DMXL1: variants seen among roughly 807,000 people sequenced by gnomAD.
DMXL1 encodes the protein dmX-like protein 1.
In DMXL1, 99 loss-of-function variants were observed where a neutral mutation model predicts 319.2. The ratio of observed to expected loss-of-function variants is 0.31; its 90% CI spans 0.26 to 0.37. The LOEUF is 0.37. Ranked by LOEUF, DMXL1 falls within the 10% of genes least tolerant of loss-of-function variation. The pLI, the probability that DMXL1 is intolerant of heterozygous loss-of-function variation, is 1.00. For synonymous variants in DMXL1, 1,385 were observed against 1,235.2 expected (o/e 1.12, Z -2.54); for missense variants, 3,745 against 3,595.6 (o/e 1.04, Z -1.06).
chr5:119,233,277 A>G, intron 38 of DMXL1, 63 bp from the exon 39 acceptor site: 1 of 1,541,928 alleles, frequency 6.5e-7, no homozygotes, highest in Admixed American at 1.9e-5. Context: ...CATAGGATAA[A>G]GAAATAACTT....
At chr5:119,095,017 A>G (rs1057352512) in intron 1 of DMXL1, among the ~76,000 whole-genome samples, 1 of 152,094 alleles carries the variant, frequency 6.6e-6, no homozygotes, top group Non-Finnish European at 1.5e-5. Flanking sequence ...CACTGCAACC[A>G]GCTAATTTTT....
chr5:119,111,568 A>G (rs1202567196), intron 5 of DMXL1, among the ~76,000 whole-genome samples: 1 of 152,212 alleles, frequency 6.6e-6, no homozygotes, highest in Non-Finnish European at 1.5e-5. Context: ...AGTTAGGGAA[A>G]GACTAAGAAT....
chr5:119,164,427 A>C (rs1772983555), intron 19 of DMXL1, 80 bp from the exon 20 acceptor site: 3 of 1,279,272 alleles, frequency 2.3e-6, no homozygotes, highest in African/African-American at 1.5e-5. Flanking sequence ...ATTTATATTG[A>C]AAATATGGAA....
At chr5:119,201,130 A>G (rs1015125980) in intron 32 of DMXL1, among the ~76,000 whole-genome samples, 1 of 152,170 alleles carries the variant, frequency 6.6e-6, no homozygotes, top group Non-Finnish European at 1.5e-5. Flanking sequence ...GAGACAAAGC[A>G]TCCTTGTCTT....
intron 13 of DMXL1, among the ~76,000 whole-genome samples, chr5:119,138,032 G>T (rs1766421280): frequency 6.6e-6 from 1 of 152,186 alleles, no homozygotes; most frequent in Non-Finnish European, 1.5e-5. Flanking sequence ...AATGATTTAG[G>T]TTTTAAATGA....
intron 1 of DMXL1, among the ~76,000 whole-genome samples, chr5:119,091,909 C>T (rs933601847): frequency 6.6e-6 from 1 of 152,192 alleles, no homozygotes; most frequent in African/African-American, 2.4e-5. Flanking sequence ...TGCCTGCCCT[C>T]TTTGTTTCTC....
At chr5:119,224,406 A>G (rs1168940224) in intron 37 of DMXL1, among the ~76,000 whole-genome samples, 1 of 151,950 alleles carries the variant, frequency 6.6e-6, no homozygotes, top group East Asian at 1.9e-4. Context: ...TACACTATTC[A>G]GGATTATTAC....
intron 5 of DMXL1, among the ~76,000 whole-genome samples, chr5:119,111,918 G>A (rs778242772): frequency 5.9e-5 from 9 of 152,118 alleles, no homozygotes; most frequent in South Asian, 2.1e-4. Flanking sequence ...TAGAGAAATA[G>A]GTGCTCTTGT....
intron 34 of DMXL1, among the ~76,000 whole-genome samples, chr5:119,211,074 AT>A (rs970769206): frequency 6.7e-5 from 10 of 148,162 alleles, no homozygotes; most frequent in Non-Finnish European, 1.0e-4. Flanking sequence ...TAGGTTAAGG[AT>A]TTTTTTAAAA....
At chr5:119,141,086 G>T (rs1489460989) in intron 13 of DMXL1, among the ~76,000 whole-genome samples, 2 of 152,122 alleles carry the variant, frequency 1.3e-5, no homozygotes, top group African/African-American at 4.8e-5. Context: ...AATAAACTAG[G>T]TGTTGAAGGA....
At chr5:119,157,498 A>T (rs796701658) in intron 19 of DMXL1, among the ~76,000 whole-genome samples, 1 of 152,210 alleles carries the variant, frequency 6.6e-6, no homozygotes, top group Non-Finnish European at 1.5e-5. Flanking sequence ...CTATTTTTGT[A>T]TATGGTGTAA....
chr5:119,147,106 T>A (rs1768732823), intron 16 of DMXL1, 143 bp from the exon 17 acceptor site: 2 of 1,159,594 alleles, frequency 1.7e-6, no homozygotes, highest in South Asian at 1.5e-5. Context: ...AAAGCTTTTC[T>A]TATTTTCTTT....
chr5:119,203,863 C>G (rs1781266450), intron 33 of DMXL1, among the ~76,000 whole-genome samples: 1 of 151,976 alleles, frequency 6.6e-6, no homozygotes, highest in African/African-American at 2.4e-5. Flanking sequence ...TTCTGTCACC[C>G]AGGCTGGAGT....
At chr5:119,076,617 G>A (rs1750939648) in intron 1 of DMXL1, among the ~76,000 whole-genome samples, 1 of 152,110 alleles carries the variant, frequency 6.6e-6, no homozygotes, top group Admixed American at 6.6e-5. Flanking sequence ...AATGATAGTA[G>A]TTCTCAATAC....
chr5:119,147,367 T>C lies in DMXL1; in HGVS notation c.2808T>C (p.Asn936=). 6.2e-7 allele frequency: 1 copy of C among 1,613,458 alleles called. No homozygotes were observed. Among genetic ancestry groups the C allele is most frequent in the South Asian group, 1.1e-5 (1 of 91,056 alleles). The change falls in exon 17 of 44, where the codon AAT becomes AAC. Residue 936 remains asparagine, a synonymous_variant. Coordinates refer to ENST00000539542, the MANE Select transcript of DMXL1 (RefSeq NM_001290321.3). ...FSQKYQACRA[N]LQSTSRLTLF... ...AAAAGTATCAGGCTTGCAGAGCAAA[T>C]CTCCAGAGTACCAGCAGGTTGACTC...
chr5:119,162,576 G>A (rs546875535), intron 19 of DMXL1, among the ~76,000 whole-genome samples: 11 of 152,118 alleles, frequency 7.2e-5, no homozygotes, highest in Non-Finnish European at 1.5e-4. Context: ...TCCCATTCAC[G>A]AGGGCAATGG....
chr5:119,071,787 C>A (rs893561794), intron 1 of DMXL1, 131 bp downstream of exon 1: 1 of 741,794 alleles, frequency 1.3e-6, no homozygotes, highest in Admixed American at 3.0e-5. Flanking sequence ...CACCCAGAAC[C>A]CAGCAGACCT....
At chr5:119,103,382 A>G (rs1757679598) in intron 3 of DMXL1, among the ~76,000 whole-genome samples, 1 of 152,180 alleles carries the variant, frequency 6.6e-6, no homozygotes, top group Non-Finnish European at 1.5e-5. Context: ...TTAGTATTTT[A>G]CAAATTACTT....
intron 34 of DMXL1, among the ~76,000 whole-genome samples, chr5:119,216,632 T>G (rs189258394): frequency 2.8e-3 from 426 of 152,298 alleles, no homozygotes; most frequent in African/African-American, 9.8e-3. Flanking sequence ...TAAAGTTAAT[T>G]AACTGTATCT....
Sources: allele counts gnomAD v4.1 joint callset (sites outside exome capture counted in the v4.1 genomes callset), GRCh38; gene constraint gnomAD v4.1.1; transcripts MANE v1.5; gene names NCBI Gene and HGNC (gene_info 2026-07-23, HGNC 2026-07-21).